The following CEP41 variants were observed in gnomAD, a reference collection of about 807,000 sequenced individuals.
CEP41 encodes the protein centrosomal protein 41.
Under a neutral mutation model 44.3 loss-of-function variants are expected in CEP41, and 32 were observed. The observed-to-expected ratio is 0.72, with a 90% CI of 0.54 to 0.97. The LOEUF (loss-of-function observed/expected upper bound fraction) is 0.97. Ranked by LOEUF, CEP41 falls within the 50% of genes least tolerant of loss-of-function variation. The probability of loss-of-function intolerance (pLI) is 0.00; values close to 1 mark genes in which losing one functional copy is unlikely to be tolerated. For synonymous variants in CEP41, 151 were observed against 168.5 expected (o/e 0.90, Z 0.80); for missense variants, 432 against 455.2 (o/e 0.95, Z 0.46).
intron 7 of CEP41, 85 bp downstream of exon 7, chr7:130,402,563 T>C (rs1287486166): frequency 7.1e-6 from 10 of 1,413,140 alleles, no homozygotes; most frequent in Non-Finnish European, 1.0e-6. Context: ...CTGTCTACCA[T>C]GGGCTGTGGT....
At chr7:130,415,610 A>C (rs1172488313) in intron 3 of CEP41, among the ~76,000 whole-genome samples, 1 of 152,228 alleles carries the variant, frequency 6.6e-6, no homozygotes, top group Non-Finnish European at 1.5e-5. Context: ...GAAATGTTTT[A>C]AGTGAGGTTA....
rs1554414161 is a variant in CEP41 at position 130,395,589 on chromosome 7, A to T, written c.*3302T>A. 3 of 454,124 alleles carry T rather than the reference A, an allele frequency of 6.6e-6. No homozygotes were observed. The highest frequency in any genetic ancestry group is 8.8e-6 in the Non-Finnish European group (2 of 226,790). 28.1% of individuals were successfully genotyped at this position (454,124 alleles called of 1,614,324 possible). A position where few individuals can be genotyped will look rare whatever the true frequency, so the allele number is the denominator to read the frequency against. Reference sequence around the variant, plus strand: ...TAAAAGACAGAATCTATAGCCAATAAACAACATGACAGAAACCAAAACCAA... The same window carrying T: ...TAAAAGACAGAATCTATAGCCAATATACAACATGACAGAAACCAAAACCAA... On this transcript the variant is annotated 3_prime_UTR_variant, in exon 11 of 11. Coordinates refer to ENST00000223208, the MANE Select transcript of CEP41 (RefSeq NM_018718.3).
At chr7:130,399,079 G>T in intron 10 of CEP41, 40 bp from the exon 11 acceptor site, 2 of 1,609,802 alleles carry the variant, frequency 1.2e-6, no homozygotes, top group Non-Finnish European at 1.7e-6. Flanking sequence ...CTGCAAGAAT[G>T]ATTCCAGGGA....
intron 5 of CEP41, among the ~76,000 whole-genome samples, chr7:130,409,634 AC>A (rs1322485634): frequency 1.5e-4 from 23 of 152,208 alleles, no homozygotes; most frequent in Non-Finnish European, 7.3e-5. Flanking sequence ...CAAATTCCTG[AC>A]CTACATCAAC....
chr7:130,424,393 C>G (rs1797598655), intron 2 of CEP41, among the ~76,000 whole-genome samples: 1 of 148,662 alleles, frequency 6.7e-6, no homozygotes, highest in Non-Finnish European at 1.5e-5. Context: ...GAGTAAGACC[C>G]TGTCTCAAAA....
chr7:130,424,105 G>A (rs1051842434), intron 2 of CEP41, among the ~76,000 whole-genome samples: 2 of 152,108 alleles, frequency 1.3e-5, no homozygotes, highest in Non-Finnish European at 2.9e-5. Context: ...ACTGTATAAA[G>A]AAAAAGAAAG....
chr7:130,402,251 T>C (rs144364601), intron 7 of CEP41, among the ~76,000 whole-genome samples: 3,487 of 147,562 alleles, frequency 0.024, 71 homozygotes, highest in Non-Finnish European at 0.038. Context: ...GAGGCTGAGG[T>C]AGGAGGATCA....
intron 1 of CEP41, among the ~76,000 whole-genome samples, chr7:130,430,054 A>T (rs73152883): frequency 0.02 from 3,049 of 152,354 alleles, 37 homozygotes; most frequent in Non-Finnish European, 0.031. Context: ...GGAAGATTGC[A>T]GAATAAACAT....
chr7:130,419,648 GA>G (rs1299711318), intron 2 of CEP41: 166 of 947,478 alleles, frequency 1.8e-4, no homozygotes, highest in Non-Finnish European at 2.0e-4. Flanking sequence ...TGATCAAAAA[GA>G]AAAAAAAAAG....
At chr7:130,421,076 T>C (rs1200658367) in intron 2 of CEP41, 1 of 983,338 alleles carries the variant, frequency 1.0e-6, no homozygotes, top group African/African-American at 1.7e-5. Flanking sequence ...ATAAAAGATA[T>C]ATAACAAAAC....
rs193103073 is a variant in CEP41 at position 130,436,821 on chromosome 7, G to T, written c.33+4113C>A. Among the ~76,000 whole-genome samples, 22 of 152,250 alleles carry T rather than the reference G, an allele frequency of 1.4e-4. No homozygotes were observed. In the East Asian group the frequency reaches 4.1e-3, roughly 28 times the overall value. On this transcript the variant is annotated intron_variant, in intron 1 of 10. Transcript: ENST00000223208. ...GGCCAAGGCAGCAGGTGGATGGCTT[G>T]AAGTCAGGAGTTCAAGACCAGCCTG... is the stretch of plus-strand genomic sequence containing the variant.
In CEP41 at chr7:130,393,863, T is replaced by A. The variant is rs1554413381; in HGVS notation, c.*5028A>T. ...TACAATATAATTAAAAGTTTGTAAT[T>A]CTCATTCCTTAAGTGGTACTTTGCA... On this transcript the variant is annotated 3_prime_UTR_variant, in exon 11 of 11. Transcript: ENST00000223208. 1 of 453,972 alleles carries A rather than the reference T, an allele frequency of 2.2e-6. No individual in the cohort carries two copies. Among genetic ancestry groups the A allele is most frequent in the Non-Finnish European group, 4.4e-6 (1 of 226,800 alleles). The allele number at this position is 453,972 out of a possible 1,614,324, so 28.1% of individuals were successfully genotyped here. A position where few individuals can be genotyped will look rare whatever the true frequency, so the allele number is the denominator to read the frequency against.
chr7:130,399,258 G>T, intron 10 of CEP41: 1 of 591,190 alleles, frequency 1.7e-6, no homozygotes. Flanking sequence ...ACCCAGATAG[G>T]TTTTTTTTCC....
chr7:130,416,956 C>A lies in CEP41; in HGVS notation c.108G>T (p.Met36Ile). 6.3e-7 allele frequency: 1 copy of A among 1,579,248 alleles called. No homozygotes were observed. The highest frequency in any genetic ancestry group is 1.1e-5 in the South Asian group (1 of 90,348). The stretch of plus-strand genomic sequence containing the variant: ...CTTCGAGCTTCTCAGTATATTTAGT[C>A]ATACTGTTACCTAAAAAGAAAATAA... ...IKSRLDTGNS[M>I]TKYTEKLEEI... Residue 36 changes from methionine to isoleucine, a missense_variant, in exon 3 of 11, where the codon ATG (methionine) becomes ATT (isoleucine). Met to Ile is a conservative substitution (Grantham distance 10, BLOSUM62 1). Coordinates refer to ENST00000223208, the MANE Select transcript of CEP41 (RefSeq NM_018718.3).
Position 130,400,059 on chromosome 7 carries a change from T to C in CEP41, c.953A>G (p.Gln318Arg). 6.2e-7 allele frequency: 1 copy of C among 1,609,522 alleles called. No individual in the cohort carries two copies. Among genetic ancestry groups the C allele is most frequent in the Non-Finnish European group, 8.5e-7 (1 of 1,177,052 alleles). ...CTTACTAGGATGATCTGCAGGCCCT[T>C]GCTCCTCTTCCAGATAATATTCTAT... ...KKIEYYLEEE[Q>R]GPADHPSRLN... The change falls in exon 10 of 11, where the codon CAA becomes CGA. Residue 318 changes from glutamine to arginine, a missense_variant. By Grantham distance (43) the Gln-to-Arg change is conservative. Transcript: ENST00000223208.
Position 130,398,545 on chromosome 7 carries a change from A to G in CEP41, c.*346T>C. On this transcript the variant is annotated 3_prime_UTR_variant, in exon 11 of 11. Transcript: ENST00000223208. Reference sequence around the variant, plus strand: ...CTGAAGTATTTACAAAACAACACAGAGAGACCCAACAAGCTGGACCTTATT... The same window carrying G: ...CTGAAGTATTTACAAAACAACACAGGGAGACCCAACAAGCTGGACCTTATT... The G allele has an allele frequency of 4.3e-6, 2 of 469,760 alleles. No homozygotes were observed. Among genetic ancestry groups the G allele is most frequent in the Non-Finnish European group, 8.4e-6 (2 of 237,390 alleles). The allele number at this position is 469,760 out of a possible 1,614,324, so 29.1% of individuals were successfully genotyped here.
At chr7:130,440,668 G>T (rs1798121978) in intron 1 of CEP41, 4 of 597,104 alleles carry the variant, frequency 6.7e-6, no homozygotes, top group Admixed American at 5.9e-5. Flanking sequence ...GAGGGCAAGG[G>T]CTGTGTCTTT....
intron 1 of CEP41, among the ~76,000 whole-genome samples, chr7:130,434,127 G>A (rs924651423): frequency 2.0e-5 from 3 of 152,210 alleles, no homozygotes; most frequent in Non-Finnish European, 4.4e-5. Flanking sequence ...TTAAAAGCAA[G>A]TTTAAAGAAC....
In CEP41 at chr7:130,397,926, T is replaced by TG. The variant is rs1554415525; in HGVS notation, c.*964_*965insC. The TG allele has an allele frequency of 8.8e-6, 4 of 454,414 alleles. No individual in the cohort carries two copies. Among genetic ancestry groups the TG allele is most frequent in the Middle Eastern group, 6.8e-4 (1 of 1,466 alleles). 28.1% of individuals were successfully genotyped at this position (454,414 alleles called of 1,614,324 possible). On this transcript the variant is annotated 3_prime_UTR_variant, in exon 11 of 11. Transcript: ENST00000223208. ...TTACTCAATTAGACTAATACTGTAT[T>TG]TCTAAGCAAGGGCTTACGAGGTTGT... is the stretch of plus-strand genomic sequence containing the variant.
Sources: gnomAD v4.1 joint callset for allele counts (sites outside exome capture counted in the v4.1 genomes callset) on GRCh38, gnomAD v4.1.1 for gene constraint, MANE v1.5 for transcripts, NCBI Gene and HGNC (gene_info 2026-07-23, HGNC 2026-07-21) for gene names.